Variants in JAK3 observed in about 807,000 individuals in gnomAD.
JAK3 encodes Janus kinase 3, also known as tyrosine-protein kinase JAK3.
In JAK3, 88 loss-of-function variants were observed where a neutral mutation model predicts 120.8. The ratio of observed to expected loss-of-function variants is 0.73; its 90% CI spans 0.61 to 0.87. JAK3 has a LOEUF of 0.87. Ranked by LOEUF, JAK3 falls within the 40% of genes least tolerant of loss-of-function variation. The pLI is 0.00. For missense variants in JAK3, 1,254 were observed against 1,501.4 expected (o/e 0.84, Z 2.72); for synonymous variants, 592 against 628.6 (o/e 0.94, Z 0.87).
Position 17,840,309 on chromosome 19 carries a change from C to T in JAK3, c.1175G>A (p.Gly392Glu), listed in dbSNP as rs2094235025. 4 of 1,613,746 alleles carry T rather than the reference C, an allele frequency of 2.5e-6. No individual in the cohort carries two copies. The highest frequency in any genetic ancestry group is 1.3e-5 in the African/African-American group (1 of 74,880). ...AACATAGGAGCCAGGACGTGAGCCCCCAGTCTTGAGCTTGTTGATGGCAAA... is the reference window on the plus strand; with the variant it reads ...AACATAGGAGCCAGGACGTGAGCCCTCAGTCTTGAGCTTGTTGATGGCAAA... ...LDFAINKLKT[G>E]GSRPGSYVLR... The change falls in exon 9 of 24, where the codon GGG becomes GAG. Residue 392 changes from glycine (G) to glutamate (E), a missense_variant. Physicochemically the swap from Gly to Glu is moderately conservative, Grantham distance 98 (BLOSUM62 -2). Transcript: ENST00000458235.
chr19:17,844,810 AAAAG>A (rs545511218), intron 1 of JAK3, among the ~76,000 whole-genome samples: 37,923 of 126,442 alleles, frequency 0.3, 5,590 homozygotes, highest in African/African-American at 0.47. Context: ...AAAAAAAAAA[AAAAG>A]AAAGAAAGAA....
At position 17,843,710 on chromosome 19, in the gene JAK3, G is replaced by A; in HGVS notation, c.308+67C>T. On this transcript the variant is annotated intron_variant, in intron 3 of 23. Transcript: ENST00000458235. This position sits in a 1 kb window ranked among gnomAD's most constrained non-coding sequence, Gnocchi z 5.4. ...CCATACCTCCCTGGGGCAGGGGTGT[G>A]GGCACCTCGAAATGCAAGGAGATGA... 6.3e-7 allele frequency: 1 copy of A among 1,581,650 alleles called. No individual in the cohort carries two copies. Among genetic ancestry groups the A allele is most frequent in the Non-Finnish European group, 8.7e-7 (1 of 1,152,072 alleles).
chr19:17,839,539 C>T lies in JAK3; in HGVS notation c.1379G>A (p.Gly460Glu), dbSNP rs199659728. The T allele has an allele frequency of 9.4e-6, 15 of 1,604,038 alleles. No individual in the cohort carries two copies. Among genetic ancestry groups the T allele is most frequent in the Non-Finnish European group, 1.3e-5 (15 of 1,175,698 alleles). ...TGCCACCCCATCTACGTGCAGCCCC[C>T]CATCCCAGCAGGTTGCCAGGAGCTC... ...LRELLATCWD[G>E]GLHVDGVAVT... The change falls in exon 10 of 24, where the codon GGG (glycine) becomes GAG (glutamate). Residue 460 changes from glycine (G) to glutamate (E), a missense_variant. Around this residue, in one of 3 missense-constraint regions of JAK3, gnomAD observed 486 missense variants for 503.0 expected, o/e 0.97. Coordinates refer to ENST00000458235, the MANE Select transcript of JAK3 (RefSeq NM_000215.4).
At chr19:17,830,299 G>A (rs1289784326) in intron 22 of JAK3, 81 bp from the exon 23 acceptor site, 1 of 1,146,308 alleles carries the variant, frequency 8.7e-7, no homozygotes, top group East Asian at 2.6e-5. Context: ...GTGGGGGTAG[G>A]GGCCATCTGT....
chr19:17,843,574 A>T lies in JAK3; in HGVS notation c.309-83T>A. On this transcript the variant is annotated intron_variant, in intron 3 of 23. Transcript: ENST00000458235. The surrounding 1 kb of genome is among the most constrained non-coding windows in gnomAD (Gnocchi z 5.4). ...ACATTATGGTGGGGGCGAGGGACAG[A>T]TTCTGCGGAGGCCTCACAGAGCCCA... 1 of 1,221,050 alleles carries T rather than the reference A, an allele frequency of 8.2e-7. No individual in the cohort carries two copies. The highest frequency in any genetic ancestry group is 1.2e-6 in the Non-Finnish European group (1 of 836,988). The allele number at this position is 1,221,050 out of a possible 1,614,324, so 75.6% of individuals were successfully genotyped here.
At chr19:17,840,781 G>GT (rs2094236512) in intron 8 of JAK3, among the ~76,000 whole-genome samples, 1 of 147,060 alleles carries the variant, frequency 6.8e-6, no homozygotes, top group African/African-American at 2.7e-5. Context: ...AAAGAAAAAA[G>GT]AAAATCAGCC....
chr19:17,842,193 A>T lies in JAK3; in HGVS notation c.861+123T>A. On this transcript the variant is annotated intron_variant, in intron 6 of 23. Transcript: ENST00000458235. The surrounding 1 kb of genome is among the most constrained non-coding windows in gnomAD (Gnocchi z 6.4). ...CCCTCACTAAGCCCCGCCCCTCATT[A>T]AGCCTCGCCCACTTCCCCAAGTCTT... 9.2e-7 allele frequency: 1 copy of T among 1,092,234 alleles called. No homozygotes were observed. Among genetic ancestry groups the T allele is most frequent in the Non-Finnish European group, 1.3e-6 (1 of 790,162 alleles). 67.7% of individuals were successfully genotyped at this position (1,092,234 alleles called of 1,614,324 possible).
Position 17,831,972 on chromosome 19 carries a change from A to G in JAK3, c.2681-174T>C, listed in dbSNP as rs899342160. ...CTCTTGAGTACTTTCTACAACATAC[A>G]TTGATGTGTTTATATATCACGGCCA... is the stretch of plus-strand genomic sequence containing the variant. On this transcript the variant is annotated intron_variant, in intron 19 of 23. Coordinates refer to ENST00000458235, the MANE Select transcript of JAK3 (RefSeq NM_000215.4). This position sits in a 1 kb window ranked among gnomAD's most constrained non-coding sequence, Gnocchi z 5.1. Among the ~76,000 whole-genome samples the G allele has an allele frequency of 3.3e-5, 5 of 152,180 alleles. No individual in the cohort carries two copies. Among genetic ancestry groups the G allele is most frequent in the South Asian group, 2.1e-4 (1 of 4,832 alleles).
In JAK3 at chr19:17,844,218, C is replaced by T. The variant is rs200489966; in HGVS notation, c.184+16G>A. 6.3e-7 allele frequency: 1 copy of T among 1,574,924 alleles called. No individual in the cohort carries two copies. Among genetic ancestry groups the T allele is most frequent in the Admixed American group, 1.8e-5 (1 of 54,058 alleles). ...CCATCCTTCCCTCTGGCCCGATCCA[C>T]TAGGGATGCACTCACCGCTGGCCTT... On this transcript the variant is annotated intron_variant, in intron 2 of 23. Coordinates refer to ENST00000458235, the MANE Select transcript of JAK3 (RefSeq NM_000215.4).
At chr19:17,847,720 T>C (rs1338624370) in intron 1 of JAK3, among the ~76,000 whole-genome samples, 1 of 144,112 alleles carries the variant, frequency 6.9e-6, no homozygotes, top group Non-Finnish European at 1.5e-5. Context: ...CTCCTCCAGG[T>C]CCGCAAGGCA....
At position 17,832,967 on chromosome 19, in the gene JAK3, T is replaced by C; in HGVS notation, c.2351-38A>G. ...CATGGGCAGTGGTAAGCAGCGCCTC[T>C]CATCCTGGGCCCCACTCCTGAGTTG... On this transcript the variant is annotated intron_variant, in intron 17 of 23. Coordinates refer to ENST00000458235, the MANE Select transcript of JAK3 (RefSeq NM_000215.4). This position sits in a 1 kb window ranked among gnomAD's most constrained non-coding sequence, Gnocchi z 4.7. 1 of 1,592,904 alleles carries C rather than the reference T, an allele frequency of 6.3e-7. No individual in the cohort carries two copies. The highest frequency in any genetic ancestry group is 8.6e-7 in the Non-Finnish European group (1 of 1,169,528).
At chr19:17,839,115 A>G (rs1262982219) in intron 10 of JAK3, 1 of 396,790 alleles carries the variant, frequency 2.5e-6, no homozygotes, top group East Asian at 6.6e-5. Flanking sequence ...TTAATGAGCA[A>G]GTGGCACTGT....
rs549656274 is a variant in JAK3 at position 17,828,023 on chromosome 19, A to G, written c.3208-1113T>C. On this transcript the variant is annotated intron_variant, in intron 23 of 23. Coordinates refer to ENST00000458235, the MANE Select transcript of JAK3 (RefSeq NM_000215.4). ...ATCTGCCTCCATCGCACTGGTGCTTAAAGGCACCCAGCTCATTACCTCCCC... is the reference window on the plus strand; with the variant it reads ...ATCTGCCTCCATCGCACTGGTGCTTGAAGGCACCCAGCTCATTACCTCCCC... Among the ~76,000 whole-genome samples the G allele has an allele frequency of 2.6e-5, 4 of 152,080 alleles. No homozygotes were observed. In the East Asian group the frequency reaches 7.7e-4, roughly 29 times the overall value.
Position 17,844,192 on chromosome 19 carries a change from C to T in JAK3, c.184+42G>A, listed in dbSNP as rs3212713. On this transcript the variant is annotated intron_variant, in intron 2 of 23. Coordinates refer to ENST00000458235, the MANE Select transcript of JAK3 (RefSeq NM_000215.4). ...GCTTCCAATCTTGGCCCCACACAGCCCCATCCTTCCCTCTGGCCCGATCCA... is the reference window on the plus strand; with the variant it reads ...GCTTCCAATCTTGGCCCCACACAGCTCCATCCTTCCCTCTGGCCCGATCCA... 0.31 allele frequency: 475,477 copies of T among 1,535,870 alleles called. 76,084 individuals carry two copies. Among genetic ancestry groups the T allele is most frequent in the African/African-American group, 0.52 (37,965 of 72,866 alleles).
At chr19:17,840,113 G>A in intron 9 of JAK3, 117 bp downstream of exon 9, 1 of 737,614 alleles carries the variant, frequency 1.4e-6, no homozygotes, top group Non-Finnish European at 2.4e-6. Context: ...TGTTCACCGG[G>A]GGTGTCTTTT....
rs201000040 is a variant in JAK3 at position 17,835,101 on chromosome 19, C to A, written c.2029G>T (p.Ala677Ser). ...AACTTACTCTCCAGGCTTAACACAGCGGGGCTGACCCCAGGGTCACTCAGC... is the reference window on the plus strand; with the variant it reads ...AACTTACTCTCCAGGCTTAACACAGAGGGGCTGACCCCAGGGTCACTCAGC... ...IKLSDPGVSP[A>S]VLSLEMLTDR... The change falls in exon 15 of 24, where the codon GCT (alanine) becomes TCT (serine). Residue 677 changes from alanine (A) to serine (S), a missense_variant. Coordinates refer to ENST00000458235, the MANE Select transcript of JAK3 (RefSeq NM_000215.4). The A allele has an allele frequency of 6.2e-7, 1 of 1,614,192 alleles. No homozygotes were observed. The highest frequency in any genetic ancestry group is 8.5e-7 in the Non-Finnish European group (1 of 1,180,030).
chr19:17,835,275 G>A, intron 14 of JAK3, 60 bp from the exon 15 acceptor site: 1 of 1,590,684 alleles, frequency 6.3e-7, no homozygotes, highest in Non-Finnish European at 8.5e-7. Flanking sequence ...GAGTCTGTTT[G>A]GCAAACTCCT....
rs1324814049 is a variant in JAK3 at position 17,836,113 on chromosome 19, C to G, written c.1787-62G>C. On this transcript the variant is annotated intron_variant, in intron 13 of 23. Transcript: ENST00000458235. ...GAACTGCACTTGTGTTGAGGAGGTT[C>G]TGCCAACACCCTGGCTCTCAGGGTC... 3 of 1,594,322 alleles carry G rather than the reference C, an allele frequency of 1.9e-6. No individual in the cohort carries two copies. The African/African-American group carries it at 4.0e-5, about 21-fold the overall frequency.
In JAK3 at chr19:17,842,868, TG is replaced by T; in HGVS notation, c.566+158del. The stretch of plus-strand genomic sequence containing the variant: ...GTCAGGTGTCTGTCCAGCTGGAGCC[TG>T]GGGGTGGAGAGGGCTGGGTTCGTGG... On this transcript the variant is annotated intron_variant, in intron 5 of 23. Coordinates refer to ENST00000458235, the MANE Select transcript of JAK3 (RefSeq NM_000215.4). The surrounding 1 kb of genome is among the most constrained non-coding windows in gnomAD (Gnocchi z 6.4). 3 of 1,040,022 alleles carry T rather than the reference TG, an allele frequency of 2.9e-6. No individual in the cohort carries two copies. The highest frequency in any genetic ancestry group is 4.3e-6 in the Non-Finnish European group (3 of 699,096). The allele number at this position is 1,040,022 out of a possible 1,614,324, so 64.4% of individuals were successfully genotyped here.
Sources: allele counts gnomAD v4.1 joint callset (sites outside exome capture counted in the v4.1 genomes callset), GRCh38; gene constraint gnomAD v4.1.1; regional missense constraint gnomAD v4.1.1; non-coding constraint Gnocchi (gnomAD v3.1); transcripts MANE v1.5; gene names NCBI Gene and HGNC (gene_info 2026-07-23, HGNC 2026-07-21).